Variants in THAP5 observed in about 807,000 individuals in gnomAD.
The protein encoded by THAP5 is THAP domain-containing protein 5.
Under a neutral mutation model 34.0 loss-of-function variants are expected in THAP5, and 26 were observed. That is an observed-to-expected ratio of 0.77 (90% CI 0.56 to 1.06). THAP5 has a LOEUF of 1.06. Among genes scored for constraint, THAP5 ranks in the 50% least tolerant of loss-of-function variants. The pLI, the probability that THAP5 is intolerant of heterozygous loss-of-function variation, is 0.00. For synonymous variants in THAP5, 125 were observed against 153.0 expected (o/e 0.82, Z 1.35); for missense variants, 394 against 452.8 (o/e 0.87, Z 1.18).
chr7:108,548,695 A>G, the THAP5 span, among the ~76,000 whole-genome samples: 1 of 152,204 alleles, frequency 6.6e-6, no homozygotes, highest in Non-Finnish European at 1.5e-5. Flanking sequence ...CAGGCAAGAG[A>G]GCTTGTGTAG....
downstream of THAP5, among the ~76,000 whole-genome samples, chr7:108,558,377 G>GTATATA (rs1233660542): frequency 1.6e-5 from 1 of 63,042 alleles, no homozygotes; most frequent in Non-Finnish European, 2.9e-5. Context: ...ATGTGTGTGT[G>GTATATA]TATGTATATA....
chr7:108,569,168 G>C, intron 1 of THAP5: 1 of 1,218,036 alleles, frequency 8.2e-7, no homozygotes. Flanking sequence ...CTTAAATGGT[G>C]GTTAATGTTG....
At chr7:108,553,262 C>G (rs560413642), downstream of THAP5, among the ~76,000 whole-genome samples, 4 of 152,082 alleles carry the variant, frequency 2.6e-5, no homozygotes, top group African/African-American at 7.2e-5. Flanking sequence ...AGGCTGGTCT[C>G]AAACTCCTGG....
chr7:108,557,280 T>C (rs1298772359), downstream of THAP5, among the ~76,000 whole-genome samples: 1 of 152,248 alleles, frequency 6.6e-6, no homozygotes, highest in Admixed American at 6.5e-5. Context: ...CAGCCTTTTA[T>C]TCCTCCCCAG....
chr7:108,545,398 A>T, the THAP5 span, among the ~76,000 whole-genome samples: 3 of 152,356 alleles, frequency 2.0e-5, no homozygotes, highest in Non-Finnish European at 2.9e-5. Context: ...TTAAGATAGA[A>T]TGGCAGCTTC....
At position 108,564,917 on chromosome 7, in the gene THAP5, G is replaced by T; in HGVS notation, c.462C>A (p.Pro154=). The stretch of plus-strand genomic sequence containing the variant: ...TGTTATTTTGTATACTTCCTGTTTT[G>T]GGAGCTGGTGGCTTTACCAAGGAAG... ...HSSSLVKPPA[P]KTGSIQNNML... Residue 154 remains proline (P), a synonymous_variant, in exon 3 of 3, where the codon CCC becomes CCA. Coordinates refer to ENST00000415914, the MANE Select transcript of THAP5 (RefSeq NM_001130475.3). 1 of 1,577,548 alleles carries T rather than the reference G, an allele frequency of 6.3e-7. No individual in the cohort carries two copies.
chr7:108,566,064 C>G, intron 1 of THAP5, 42 bp from the exon 2 acceptor site: 1 of 1,474,570 alleles, frequency 6.8e-7, no homozygotes, highest in Non-Finnish European at 9.0e-7. Context: ...AAAAACTTTG[C>G]TATATTTTTA....
chr7:108,558,381 GTATATATA>G (rs66806128), downstream of THAP5, among the ~76,000 whole-genome samples: 22,884 of 93,992 alleles, frequency 0.24, 3,117 homozygotes, highest in Admixed American at 0.41. Context: ...GTGTGTGTAT[GTATATATA>G]TATATATATA....
At chr7:108,558,414 T>TATATATATATATATATATATATATATA (rs1554694581), downstream of THAP5, among the ~76,000 whole-genome samples, 3 of 133,168 alleles carry the variant, frequency 2.3e-5, no homozygotes, top group Non-Finnish European at 3.2e-5. Flanking sequence ...TATATATATA[T>TATATATATATATATATATATATATATA]TTAGACAGAG....
chr7:108,569,639 G>C lies in THAP5; in HGVS notation c.-70C>G. On this transcript the variant is annotated 5_prime_UTR_variant, in exon 1 of 3. Transcript: ENST00000415914. ...GGGCGGCCCTCCTCACTGAGGATGC[G>C]CCACAGGTCCAGGCCTCTCGAGCCC... The C allele has an allele frequency of 6.5e-7, 1 of 1,531,928 alleles. No individual in the cohort carries two copies. The highest frequency in any genetic ancestry group is 8.8e-7 in the Non-Finnish European group (1 of 1,136,094). 94.9% of individuals were successfully genotyped at this position (1,531,928 alleles called of 1,614,324 possible).
chr7:108,555,923 G>A lies in THAP5; in HGVS notation n.109-1064C>T, dbSNP rs895091144. On this transcript the variant is annotated intron_variant and non_coding_transcript_variant, in intron 1 of 1. Transcript: ENST00000468884. ...TCACCATGTTGGCCAGGCTGGTCTC[G>A]AACTCCTGACCTCAGGTAATGCACC... is the stretch of plus-strand genomic sequence containing the variant. 3.3e-5 allele frequency among the ~76,000 whole-genome samples: 5 copies of A among 151,028 alleles called. No homozygotes were observed. In the East Asian group the frequency reaches 5.9e-4, roughly 18 times the overall value.
chr7:108,551,866 T>C (rs1564007270), downstream of THAP5, among the ~76,000 whole-genome samples: 1 of 152,350 alleles, frequency 6.6e-6, no homozygotes, highest in East Asian at 1.9e-4. Context: ...ACAGTGAGTG[T>C]TGAGAATCAC....
intron 1 of THAP5, among the ~76,000 whole-genome samples, chr7:108,555,210 G>C (rs1352690595): frequency 1.3e-5 from 2 of 151,154 alleles, no homozygotes; most frequent in African/African-American, 4.9e-5. Flanking sequence ...TTGTTGCCCT[G>C]GGGGAGTGCA....
At chr7:108,556,427 G>A (rs1864386276) in intron 1 of THAP5, among the ~76,000 whole-genome samples, 1 of 152,210 alleles carries the variant, frequency 6.6e-6, no homozygotes, top group African/African-American at 2.4e-5. Context: ...CCAAGCTACA[G>A]TGGGGGTACA....
downstream of THAP5, among the ~76,000 whole-genome samples, chr7:108,549,736 T>C (rs1353110907): frequency 6.6e-6 from 1 of 152,224 alleles, no homozygotes; most frequent in Admixed American, 6.5e-5. Flanking sequence ...TGCTTTATCA[T>C]TAATTTAACC....
At chr7:108,544,080 C>CT in the THAP5 span, among the ~76,000 whole-genome samples, 4 of 152,086 alleles carry the variant, frequency 2.6e-5, no homozygotes, top group Non-Finnish European at 5.9e-5. Context: ...TCTGAATAAT[C>CT]TTTTTTCTAT....
Position 108,562,445 on chromosome 7 carries a change from A to AT in THAP5, c.*1745dup, listed in dbSNP as rs1322810531. On this transcript the variant is annotated 3_prime_UTR_variant, in exon 3 of 3. Coordinates refer to ENST00000415914, the MANE Select transcript of THAP5 (RefSeq NM_001130475.3). Reference sequence around the variant, plus strand: ...GTTGACTCACTTTCATATAGTACCAATTAATATTAGCCTAATGAAACTAAG... The same window carrying AT: ...GTTGACTCACTTTCATATAGTACCAATTTAATATTAGCCTAATGAAACTAAG... 3 of 152,322 alleles carry AT rather than the reference A, an allele frequency of 2.0e-5. No homozygotes were observed. The highest frequency in any genetic ancestry group is 3.4e-3 in the Middle Eastern group (1 of 294). The allele number at this position is 152,322 out of a possible 1,614,324, so 9.4% of individuals were successfully genotyped here.
At chr7:108,566,328 TC>T (rs1417372052) in intron 1 of THAP5, among the ~76,000 whole-genome samples, 1 of 152,214 alleles carries the variant, frequency 6.6e-6, no homozygotes. Flanking sequence ...ATTTGTATTT[TC>T]TATGGATTAT....
chr7:108,565,164 G>A, intron 2 of THAP5, 59 bp from the exon 3 acceptor site: 1 of 1,328,732 alleles, frequency 7.5e-7, no homozygotes, highest in African/African-American at 1.5e-5. Flanking sequence ...TATTATGCTA[G>A]TGCTATTTAA....
Sources: gnomAD v4.1 joint callset for allele counts (sites outside exome capture counted in the v4.1 genomes callset) on GRCh38, gnomAD v4.1.1 for gene constraint, MANE v1.5 for transcripts, NCBI Gene and HGNC (gene_info 2026-07-23, HGNC 2026-07-21) for gene names.